Variants in TBC1D5 observed in about 807,000 individuals in gnomAD.
TBC1D5 encodes TBC1 domain family, member 5.
Under a neutral mutation model 100.3 loss-of-function variants are expected in TBC1D5, and 75 were observed. The ratio of observed to expected loss-of-function variants is 0.75; its 90% CI spans 0.62 to 0.91. The LOEUF (loss-of-function observed/expected upper bound fraction) is 0.91, where lower values mean the gene tolerates loss of function less well. TBC1D5 is among the 40% of genes least tolerant of loss of function. The probability of loss-of-function intolerance (pLI) is 0.00; values close to 1 mark genes in which losing one functional copy is unlikely to be tolerated. For synonymous variants in TBC1D5, 323 were observed against 325.6 expected, an observed-to-expected ratio of 0.99 and a Z score of 0.09; for missense variants, 910 against 942.4, an observed-to-expected ratio of 0.97 and a Z score of 0.45.
chr3:17,567,350 T>C (rs577469584), intron 2 of TBC1D5, among the ~76,000 whole-genome samples: 147 of 151,896 alleles, frequency 9.7e-4, no homozygotes, highest in African/African-American at 2.3e-3. Context: ...TGGAATCTTA[T>C]TTTGTTCAAA....
intron 17 of TBC1D5, among the ~76,000 whole-genome samples, chr3:17,214,874 A>C (rs1047697527): frequency 2.0e-5 from 3 of 152,126 alleles, no homozygotes; most frequent in Non-Finnish European, 4.4e-5. Flanking sequence ...TTTTAGCAAA[A>C]ACCTGAAGAA....
At chr3:17,590,388 C>T (rs9815204) in intron 2 of TBC1D5, among the ~76,000 whole-genome samples, 75,990 of 151,944 alleles carry the variant, frequency 0.5, 20,539 homozygotes, top group African/African-American at 0.68. Flanking sequence ...GGCTGAAATA[C>T]GGATTAAAAG....
rs538655745 is a variant in TBC1D5, at chr3:17,629,821, C to T, written c.-100-5908G>A. 5.3e-5 allele frequency among the ~76,000 whole-genome samples: 8 copies of T among 152,254 alleles called. No individual in the cohort carries two copies. In the South Asian group the frequency reaches 1.5e-3, roughly 28 times the overall value. On this transcript the variant is annotated intron_variant, in intron 1 of 21. Transcript: ENST00000253692. ...GCCAAAAAACTGAATACACAGGAAACGGATTTTCTGACATTTGAACTTTAG... is the reference window on the plus strand; with the variant it reads ...GCCAAAAAACTGAATACACAGGAAATGGATTTTCTGACATTTGAACTTTAG...
chr3:17,703,828 T>A (rs1368445476), intron 1 of TBC1D5, among the ~76,000 whole-genome samples: 3 of 152,132 alleles, frequency 2.0e-5, no homozygotes, highest in African/African-American at 7.2e-5. Flanking sequence ...AAAATAATTG[T>A]GCTAATTCCT....
chr3:17,553,391 C>A (rs1473887598), intron 2 of TBC1D5, among the ~76,000 whole-genome samples: 1 of 152,180 alleles, frequency 6.6e-6, no homozygotes, highest in East Asian at 1.9e-4. Flanking sequence ...TTTCCCTCCA[C>A]ACATTGCTGA....
intron 1 of TBC1D5, among the ~76,000 whole-genome samples, chr3:17,734,912 A>G (rs937004422): frequency 6.9e-5 from 10 of 144,672 alleles, no homozygotes; most frequent in South Asian, 2.3e-4. Context: ...ATAGAGAGAC[A>G]TGGTCTCTAC....
At chr3:17,595,841 C>T (rs775918912) in intron 2 of TBC1D5, among the ~76,000 whole-genome samples, 20 of 152,118 alleles carry the variant, frequency 1.3e-4, no homozygotes, top group Non-Finnish European at 2.6e-4. Flanking sequence ...CCAGTACTTC[C>T]TACTGGCAGT....
intron 5 of TBC1D5, among the ~76,000 whole-genome samples, chr3:17,405,561 A>G (rs2093749636): frequency 6.6e-6 from 1 of 152,110 alleles, no homozygotes; most frequent in South Asian, 2.1e-4. Context: ...ATTTATTTTT[A>G]ACAAATGAAA....
intron 15 of TBC1D5, among the ~76,000 whole-genome samples, chr3:17,262,542 C>T (rs2078415090): frequency 7.0e-6 from 1 of 143,088 alleles, no homozygotes. Context: ...AGTGCAGTGG[C>T]GCGATCTCGG....
At chr3:17,472,134 GTT>G (rs1005415597) in intron 3 of TBC1D5, among the ~76,000 whole-genome samples, 1 of 145,200 alleles carries the variant, frequency 6.9e-6, no homozygotes, top group African/African-American at 2.5e-5. Context: ...TATGAAAGGA[GTT>G]TTTTTTTTCT....
chr3:17,644,050 G>A (rs1038166071), intron 1 of TBC1D5: 2 of 152,018 alleles, frequency 1.3e-5, no homozygotes, highest in African/African-American at 4.8e-5. Flanking sequence ...CCAGTAAGGA[G>A]ATATCTCTCA....
intron 3 of TBC1D5, among the ~76,000 whole-genome samples, chr3:17,454,292 T>C (rs2094997721): frequency 6.6e-6 from 1 of 152,042 alleles, no homozygotes; most frequent in African/African-American, 2.4e-5. Context: ...GAGATAACGG[T>C]ATAAATGGTA....
At chr3:17,604,673 G>A (rs761446547) in intron 2 of TBC1D5, among the ~76,000 whole-genome samples, 5 of 152,098 alleles carry the variant, frequency 3.3e-5, no homozygotes, top group Non-Finnish European at 7.3e-5. Flanking sequence ...AATTTGCTAA[G>A]AACCATGATT....
In TBC1D5 at chr3:17,344,578, T is replaced by C. The variant is rs1441302740; in HGVS notation, c.995+27497A>G. ...TTGGAAAAAACTACTTTAAAGTTCA[T>C]ATGGTACCAAAAAAGAGCCCGCATC... On this transcript the variant is annotated intron_variant, in intron 13 of 21. Transcript: ENST00000253692. Among the ~76,000 whole-genome samples the C allele has an allele frequency of 3.9e-5, 6 of 152,180 alleles. No individual in the cohort carries two copies. The East Asian group carries it at 9.7e-4, about 25-fold the overall frequency.
chr3:17,538,782 T>C (rs571903725), intron 2 of TBC1D5, among the ~76,000 whole-genome samples: 1 of 152,314 alleles, frequency 6.6e-6, no homozygotes, highest in Admixed American at 6.5e-5. Context: ...CTCATGCCTA[T>C]AATCCCAGTA....
At chr3:17,709,042 T>C (rs1482128809) in intron 1 of TBC1D5, among the ~76,000 whole-genome samples, 3 of 152,206 alleles carry the variant, frequency 2.0e-5, no homozygotes, top group Admixed American at 6.5e-5. Flanking sequence ...TAGGCCCTTT[T>C]TTCTTGGCAT....
chr3:17,226,920 G>A (rs180842892), intron 17 of TBC1D5, among the ~76,000 whole-genome samples: 3 of 152,284 alleles, frequency 2.0e-5, no homozygotes, highest in Non-Finnish European at 2.9e-5. Context: ...ATGCATGTAT[G>A]TAGTCTTTCA....
intron 3 of TBC1D5, among the ~76,000 whole-genome samples, chr3:17,481,495 G>T (rs2095501715): frequency 6.6e-6 from 1 of 152,222 alleles, no homozygotes; most frequent in Admixed American, 6.5e-5. Flanking sequence ...AGTAGAGGTT[G>T]CAGTGAGCCA....
chr3:17,288,369 T>G (rs1559557165), intron 15 of TBC1D5, among the ~76,000 whole-genome samples: 4 of 152,182 alleles, frequency 2.6e-5, no homozygotes, highest in Admixed American at 2.0e-4. Flanking sequence ...GGGTCCCTGA[T>G]GAAACCTGAC....
Sources: allele counts gnomAD v4.1 joint callset (sites outside exome capture counted in the v4.1 genomes callset), GRCh38; gene constraint gnomAD v4.1.1; transcripts MANE v1.5; gene names NCBI Gene and HGNC (gene_info 2026-07-23, HGNC 2026-07-21).